The following PARM1 variants were observed in gnomAD, a reference collection of about 807,000 sequenced individuals.
PARM1 encodes the protein prostate androgen-regulated mucin-like protein 1.
Under a neutral mutation model 24.6 loss-of-function variants are expected in PARM1, and 14 were observed. The ratio of observed to expected loss-of-function variants is 0.57; its 90% CI spans 0.38 to 0.89. The LOEUF is 0.89. Ranked by LOEUF, PARM1 falls within the 40% of genes least tolerant of loss-of-function variation. The pLI is 0.00. For synonymous variants in PARM1, 179 were observed against 156.6 expected, an observed-to-expected ratio of 1.14 and a Z score of -1.07; for missense variants, 362 against 380.4, an observed-to-expected ratio of 0.95 and a Z score of 0.40.
intron 2 of PARM1, among the ~76,000 whole-genome samples, chr4:75,016,595 C>A (rs1722994149): frequency 6.6e-6 from 1 of 152,094 alleles, no homozygotes; most frequent in Non-Finnish European, 1.5e-5. Flanking sequence ...GGTGCTTAGA[C>A]CTGGTTTGAC....
At chr4:74,967,454 C>T (rs923936718) in intron 1 of PARM1, 2 of 152,172 alleles carry the variant, frequency 1.3e-5, no homozygotes, top group Non-Finnish European at 2.9e-5. Flanking sequence ...GCTCTGGAGA[C>T]ACCTTAGAGT....
At chr4:74,963,512 G>A (rs1721827713) in intron 1 of PARM1, among the ~76,000 whole-genome samples, 1 of 152,160 alleles carries the variant, frequency 6.6e-6, no homozygotes, top group Admixed American at 6.5e-5. Flanking sequence ...TAATATGGAT[G>A]AACTTTAAAA....
chr4:75,018,000 T>A (rs1286761499), intron 2 of PARM1, among the ~76,000 whole-genome samples: 2 of 152,250 alleles, frequency 1.3e-5, no homozygotes, highest in African/African-American at 4.8e-5. Context: ...TACTTTACTA[T>A]TGTTTACTGT....
chr4:74,936,459 T>TTTTTGAGATGGAGGCTCTCTC (rs1721189429), intron 1 of PARM1, among the ~76,000 whole-genome samples: 1 of 149,050 alleles, frequency 6.7e-6, no homozygotes, highest in Non-Finnish European at 1.5e-5. Context: ...GTTTGTTTTT[T>TTTTTGAGATGGAGGCTCTCTC]TGTTTTTTTT....
intron 1 of PARM1, among the ~76,000 whole-genome samples, chr4:75,009,325 G>A (rs1722827120): frequency 6.6e-6 from 1 of 152,346 alleles, no homozygotes; most frequent in Non-Finnish European, 1.5e-5. Context: ...TCAGCCAAGT[G>A]GCAAATGATG....
At chr4:75,018,282 G>A (rs946299456) in intron 2 of PARM1, among the ~76,000 whole-genome samples, 16 of 152,186 alleles carry the variant, frequency 1.1e-4, no homozygotes, top group Non-Finnish European at 2.2e-4. Flanking sequence ...CGACTTCAGG[G>A]CAAGCATTAG....
chr4:74,990,950 T>C (rs1274480330), intron 1 of PARM1, among the ~76,000 whole-genome samples: 2 of 152,072 alleles, frequency 1.3e-5, no homozygotes, highest in East Asian at 3.9e-4. Flanking sequence ...AAGACAGAGA[T>C]AAGAGAAAGA....
At chr4:75,031,528 A>T (rs991374208) in intron 2 of PARM1, among the ~76,000 whole-genome samples, 1 of 130,730 alleles carries the variant, frequency 7.6e-6, no homozygotes, top group Non-Finnish European at 1.6e-5. Flanking sequence ...CACTTACAAT[A>T]AAAAAAAAAA....
chr4:75,019,657 T>A (rs911560339), intron 2 of PARM1, among the ~76,000 whole-genome samples: 14 of 152,054 alleles, frequency 9.2e-5, no homozygotes, highest in Non-Finnish European at 8.8e-5. Flanking sequence ...ACCTTAGATT[T>A]GAAAAAAGAA....
intron 1 of PARM1, among the ~76,000 whole-genome samples, chr4:74,999,701 G>A (rs1230413915): frequency 6.6e-6 from 1 of 152,066 alleles, no homozygotes; most frequent in Non-Finnish European, 1.5e-5. Context: ...TAAAATAAAT[G>A]GTATGATAGA....
rs1721105309 is a variant in PARM1 at position 74,933,301 on chromosome 4, G to T, written c.-27G>T. 1 of 1,606,232 alleles carries T rather than the reference G, an allele frequency of 6.2e-7. No homozygotes were observed. The highest frequency in any genetic ancestry group is 8.5e-7 in the Non-Finnish European group (1 of 1,175,990). ...CCGCAAACTCCTTGCCGCCCGCCCC[G>T]GGCTGGGCACCAAATACCAGGCTAC... On this transcript the variant is annotated 5_prime_UTR_variant, in exon 1 of 4. Coordinates refer to ENST00000307428, the MANE Select transcript of PARM1 (RefSeq NM_015393.4).
chr4:74,967,769 C>T (rs915340121), intron 1 of PARM1: 2 of 152,104 alleles, frequency 1.3e-5, no homozygotes, highest in Non-Finnish European at 2.9e-5. Context: ...GTGGTTTTTC[C>T]TTGGGGAATC....
At chr4:75,007,324 C>T (rs17000078) in intron 1 of PARM1, among the ~76,000 whole-genome samples, 10 of 152,196 alleles carry the variant, frequency 6.6e-5, no homozygotes, top group South Asian at 2.1e-4. Context: ...GTCTCACATG[C>T]GCTCCTCATT....
At chr4:74,999,414 C>T (rs991628217) in intron 1 of PARM1, among the ~76,000 whole-genome samples, 4 of 152,070 alleles carry the variant, frequency 2.6e-5, no homozygotes, top group African/African-American at 4.8e-5. Flanking sequence ...ATGACTATTC[C>T]GCTATCAGAG....
At chr4:75,002,173 C>G (rs978529331) in intron 1 of PARM1, among the ~76,000 whole-genome samples, 1 of 152,188 alleles carries the variant, frequency 6.6e-6, no homozygotes, top group Non-Finnish European at 1.5e-5. Flanking sequence ...CAAGTGGCTA[C>G]AAGAGCATTA....
chr4:74,940,872 G>A (rs1721292612), intron 1 of PARM1, among the ~76,000 whole-genome samples: 1 of 152,202 alleles, frequency 6.6e-6, no homozygotes, highest in African/African-American at 2.4e-5. Flanking sequence ...TTAGGGCGAT[G>A]TTTAAGATCC....
intron 1 of PARM1, among the ~76,000 whole-genome samples, chr4:74,982,667 T>G (rs79442877): frequency 0.014 from 2,157 of 152,200 alleles, 68 homozygotes; most frequent in African/African-American, 0.05. Flanking sequence ...GAATGTGAAT[T>G]TACTCCAGGG....
At chr4:74,952,756 A>G (rs187985126) in intron 1 of PARM1, among the ~76,000 whole-genome samples, 1 of 152,350 alleles carries the variant, frequency 6.6e-6, no homozygotes, top group Admixed American at 6.5e-5. Context: ...AAAAACATAG[A>G]AAATGTGACC....
chr4:75,031,744 T>C (rs1051841947), intron 2 of PARM1, among the ~76,000 whole-genome samples: 1 of 152,242 alleles, frequency 6.6e-6, no homozygotes, highest in African/African-American at 2.4e-5. Context: ...ATCAGCTATA[T>C]TCATTCTTTT....
Sources: gnomAD v4.1 joint callset for allele counts (sites outside exome capture counted in the v4.1 genomes callset) on GRCh38, gnomAD v4.1.1 for gene constraint, MANE v1.5 for transcripts, NCBI Gene and HGNC (gene_info 2026-07-23, HGNC 2026-07-21) for gene names.